The following SPAST variants were observed in gnomAD, a reference collection of about 807,000 sequenced individuals.
SPAST encodes the protein spastin.
In SPAST, 30 loss-of-function variants were observed where a neutral mutation model predicts 76.6. The observed-to-expected ratio is 0.39, with a 90% confidence interval of 0.29 to 0.53. The LOEUF is 0.53. Ranked by LOEUF, SPAST falls within the 20% of genes least tolerant of loss-of-function variation. The pLI is 0.68. For synonymous variants in SPAST, 305 were observed against 281.0 expected (o/e 1.09, Z -0.86); for missense variants, 717 against 770.5 (o/e 0.93, Z 0.82).
intron 1 of SPAST, among the ~76,000 whole-genome samples, chr2:32,086,239 C>A (rs1289541118): frequency 6.6e-6 from 1 of 151,978 alleles, no homozygotes; most frequent in Non-Finnish European, 1.5e-5. Flanking sequence ...AGGAGGATTA[C>A]TTGAGCCTAG....
intron 7 of SPAST, among the ~76,000 whole-genome samples, chr2:32,126,046 T>G (rs998332596): frequency 4.6e-5 from 7 of 151,964 alleles, no homozygotes; most frequent in Admixed American, 4.6e-4. Flanking sequence ...CCGCCCGCCT[T>G]GGCCTCCCAA....
At chr2:32,124,915 A>G (rs1470273792) in intron 7 of SPAST, among the ~76,000 whole-genome samples, 2 of 152,182 alleles carry the variant, frequency 1.3e-5, no homozygotes, top group Non-Finnish European at 2.9e-5. Context: ...AGCACAGTGG[A>G]TTTTTAAGGC....
intron 1 of SPAST, among the ~76,000 whole-genome samples, chr2:32,087,040 A>G (rs2148708495): frequency 6.6e-6 from 1 of 152,318 alleles, no homozygotes; most frequent in East Asian, 1.9e-4. Context: ...AGTTCTCATG[A>G]TGCAATCAAT....
chr2:32,101,031 G>A (rs919431155), intron 4 of SPAST, among the ~76,000 whole-genome samples: 25 of 152,236 alleles, frequency 1.6e-4, no homozygotes, highest in African/African-American at 5.3e-4. Flanking sequence ...TTGAGGAATC[G>A]CCACACTGTC....
chr2:32,110,540 GTATATATATACTA>G (rs1558319704), intron 4 of SPAST, among the ~76,000 whole-genome samples: 1,710 of 131,326 alleles, frequency 0.013, 54 homozygotes, highest in African/African-American at 0.045. Flanking sequence ...TGTATATATA[GTATATATATACTA>G]TATAGTGTGT....
At chr2:32,075,480 C>CG (rs1676916896) in intron 1 of SPAST, among the ~76,000 whole-genome samples, 1 of 96,594 alleles carries the variant, frequency 1.0e-5, no homozygotes, top group East Asian at 3.2e-4. Context: ...ATTGTGATGA[C>CG]AAAAAAAAAA....
intron 1 of SPAST, among the ~76,000 whole-genome samples, chr2:32,076,906 CGTT>C (rs772024658): frequency 6.6e-6 from 1 of 151,920 alleles, no homozygotes; most frequent in East Asian, 1.9e-4. Flanking sequence ...GACAGAGTCT[CGTT>C]GTGTCGCCCA....
At chr2:32,073,259 C>T (rs2148695340) in intron 1 of SPAST, among the ~76,000 whole-genome samples, 1 of 152,250 alleles carries the variant, frequency 6.6e-6, no homozygotes, top group Non-Finnish European at 1.5e-5. Context: ...TCTCGAACTC[C>T]TGGCCTCAAG....
chr2:32,086,216 G>C (rs1371968932), intron 1 of SPAST, among the ~76,000 whole-genome samples: 1 of 152,040 alleles, frequency 6.6e-6, no homozygotes, highest in Non-Finnish European at 1.5e-5. Context: ...CCAGCACTTC[G>C]GGAGACCAGG....
chr2:32,147,075 A>G, intron 15 of SPAST, 143 bp from the exon 16 acceptor site: 1 of 624,608 alleles, frequency 1.6e-6, no homozygotes, highest in East Asian at 2.8e-5. Context: ...ATTTGCTCTC[A>G]AAGTTAACAT....
At chr2:32,072,038 TTTTATTTA>T (rs369867799) in intron 1 of SPAST, among the ~76,000 whole-genome samples, 1 of 152,092 alleles carries the variant, frequency 6.6e-6, no homozygotes, top group Non-Finnish European at 1.5e-5. Context: ...CTTCAATTTG[TTTTATTTA>T]TTTATTTATT....
intron 7 of SPAST, 112 bp from the exon 8 acceptor site, chr2:32,126,836 G>A: frequency 1.4e-6 from 1 of 713,188 alleles, no homozygotes; most frequent in Non-Finnish European, 2.5e-6. Context: ...TTAAAGCTAT[G>A]GGCAGCTCTG....
chr2:32,078,685 C>G (rs1482822726), intron 1 of SPAST, among the ~76,000 whole-genome samples: 1 of 152,066 alleles, frequency 6.6e-6, no homozygotes, highest in Non-Finnish European at 1.5e-5. Context: ...AAGTATAGAA[C>G]TTGAAAATCT....
intron 14 of SPAST, 120 bp from the exon 15 acceptor site, chr2:32,144,817 G>A: frequency 1.4e-6 from 1 of 692,844 alleles, no homozygotes. Context: ...CCAGGAGGTG[G>A]AGATCACAGT....
chr2:32,099,844 A>G (rs1317867136), intron 4 of SPAST, among the ~76,000 whole-genome samples: 1 of 151,962 alleles, frequency 6.6e-6, no homozygotes, highest in Non-Finnish European at 1.5e-5. Flanking sequence ...TTTTATTTCT[A>G]TGAGATTAAC....
At chr2:32,101,640 T>A (rs1678130200) in intron 4 of SPAST, among the ~76,000 whole-genome samples, 1 of 152,336 alleles carries the variant, frequency 6.6e-6, no homozygotes, top group African/African-American at 2.4e-5. Context: ...CCATCTTGAA[T>A]TAATTTTTGT....
chr2:32,145,615 T>C (rs1256694404), intron 15 of SPAST, among the ~76,000 whole-genome samples: 1 of 151,984 alleles, frequency 6.6e-6, no homozygotes. Flanking sequence ...TTAATGTGTC[T>C]AAAGGAAATT....
At chr2:32,121,883 G>C (rs898922721) in intron 7 of SPAST, among the ~76,000 whole-genome samples, 3 of 152,184 alleles carry the variant, frequency 2.0e-5, no homozygotes, top group Non-Finnish European at 4.4e-5. Flanking sequence ...TTATGTCTCT[G>C]AGAGGTTTTG....
intron 1 of SPAST, among the ~76,000 whole-genome samples, chr2:32,065,145 G>T (rs1197833469): frequency 6.6e-6 from 1 of 151,516 alleles, no homozygotes; most frequent in African/African-American, 2.4e-5. Flanking sequence ...TCAGCCTCCC[G>T]AGTAGCTGGG....
Sources: allele counts gnomAD v4.1 joint callset (sites outside exome capture counted in the v4.1 genomes callset), GRCh38; gene constraint gnomAD v4.1.1; transcripts MANE v1.5; gene names NCBI Gene and HGNC (gene_info 2026-07-23, HGNC 2026-07-21).